Variants in MGMT observed in about 807,000 individuals in gnomAD.
MGMT encodes methylated-DNA--protein-cysteine methyltransferase.
Under a neutral mutation model 15.9 loss-of-function variants are expected in MGMT, and 14 were observed. That is an observed-to-expected ratio of 0.88 (90% CI 0.58 to 1.37). MGMT has a LOEUF of 1.37. MGMT is among the 40% of genes most tolerant of loss of function. The pLI is 0.00. For synonymous variants in MGMT, 130 were observed against 118.2 expected (o/e 1.10, Z -0.65); for missense variants, 282 against 268.1 (o/e 1.05, Z -0.36).
At chr10:129,653,715 CGAA>C (rs1847490464) in intron 2 of MGMT, among the ~76,000 whole-genome samples, 1 of 152,184 alleles carries the variant, frequency 6.6e-6, no homozygotes, top group Non-Finnish European at 1.5e-5. Flanking sequence ...GGCAGGGAGC[CGAA>C]TGGACAGGCC....
chr10:129,498,919 G>A (rs1345711658), intron 1 of MGMT, among the ~76,000 whole-genome samples: 3 of 152,182 alleles, frequency 2.0e-5, no homozygotes, highest in Non-Finnish European at 4.4e-5. Context: ...CCGTGCATCT[G>A]CATTTATTTC....
At chr10:129,612,934 C>T (rs1000256650) in intron 2 of MGMT, among the ~76,000 whole-genome samples, 8 of 152,190 alleles carry the variant, frequency 5.3e-5, no homozygotes, top group East Asian at 1.9e-4. Context: ...GTCACAGCTG[C>T]GGTGACATCC....
intron 2 of MGMT, chr10:129,701,303 T>C (rs183367345): frequency 2.0e-5 from 3 of 152,116 alleles, no homozygotes; most frequent in Middle Eastern, 6.8e-3. Flanking sequence ...GAAAACGTCG[T>C]CCATGGAGAG....
At chr10:129,603,743 CG>C (rs970743069) in intron 2 of MGMT, among the ~76,000 whole-genome samples, 1 of 152,166 alleles carries the variant, frequency 6.6e-6, no homozygotes, top group Admixed American at 6.5e-5. Context: ...GGCAGCTTGT[CG>C]GGCACAAAAA....
intron 3 of MGMT, among the ~76,000 whole-genome samples, chr10:129,721,230 T>G (rs1848367318): frequency 6.6e-6 from 1 of 152,292 alleles, no homozygotes; most frequent in Non-Finnish European, 1.5e-5. Flanking sequence ...CTGAAGTTTT[T>G]GCCTTTAAAA....
intron 2 of MGMT, among the ~76,000 whole-genome samples, chr10:129,680,266 A>G (rs1847835158): frequency 6.6e-6 from 1 of 152,154 alleles, no homozygotes; most frequent in African/African-American, 2.4e-5. Context: ...AGCTAGTTAA[A>G]ATCTCCTGGC....
At chr10:129,572,935 T>C (rs1846437147) in intron 2 of MGMT, among the ~76,000 whole-genome samples, 1 of 152,136 alleles carries the variant, frequency 6.6e-6, no homozygotes, top group Non-Finnish European at 1.5e-5. Flanking sequence ...TTTTTTGGAG[T>C]GATTTGAAGC....
At chr10:129,587,876 T>A (rs1422071631) in intron 2 of MGMT, among the ~76,000 whole-genome samples, 1 of 152,226 alleles carries the variant, frequency 6.6e-6, no homozygotes, top group Non-Finnish European at 1.5e-5. Flanking sequence ...GTATTTTTAT[T>A]CTTTTATGCT....
In MGMT at chr10:129,536,311, A is replaced by G. The variant is rs1845983466; in HGVS notation, c.59A>G (p.Glu20Gly). 1.2e-6 allele frequency: 2 copies of G among 1,614,128 alleles called. No individual in the cohort carries two copies. Among genetic ancestry groups the G allele is most frequent in the Non-Finnish European group, 8.5e-7 (1 of 1,180,036 alleles). The change falls in exon 2 of 5, where the codon GAG (glutamate) becomes GGG (glycine). Residue 20 changes from glutamate (E) to glycine (G), a missense_variant. Transcript: ENST00000651593. ...CTGGACAGCCCTTTGGGGAAGCTGG[A>G]GCTGTCTGGTTGTGAGCAGGGTCTG... ...TTLDSPLGKL[E>G]LSGCEQGLHE...
At chr10:129,467,979 T>G (rs972827389) in intron 1 of MGMT, among the ~76,000 whole-genome samples, 1 of 152,214 alleles carries the variant, frequency 6.6e-6, no homozygotes, top group African/African-American at 2.4e-5. Flanking sequence ...AGTAGCTGGC[T>G]TTCTGTCCTG....
chr10:129,739,594 C>T (rs774990599), intron 3 of MGMT, among the ~76,000 whole-genome samples: 19 of 152,024 alleles, frequency 1.2e-4, no homozygotes, highest in Non-Finnish European at 2.2e-4. Context: ...AGAGCCCCTA[C>T]GCCCTGGTCA....
intron 1 of MGMT, among the ~76,000 whole-genome samples, chr10:129,471,087 A>G (rs1845225562): frequency 1.3e-5 from 2 of 152,234 alleles, no homozygotes; most frequent in African/African-American, 2.4e-5. Flanking sequence ...CCGAATGGAT[A>G]GTCCACCAGC....
At chr10:129,677,966 C>T (rs1011130686) in intron 2 of MGMT, among the ~76,000 whole-genome samples, 6 of 152,194 alleles carry the variant, frequency 3.9e-5, no homozygotes, top group East Asian at 3.9e-4. Flanking sequence ...ACTGGAATTA[C>T]ACCAGCCAGC....
rs1263705033 is a variant in MGMT, at chr10:129,624,417, G to A, written c.126-83478G>A. 2.0e-5 allele frequency among the ~76,000 whole-genome samples: 3 copies of A among 152,166 alleles called. No individual in the cohort carries two copies. In the East Asian group the frequency reaches 5.8e-4, roughly 29 times the overall value. ...TGGAGGACAGAGACATTGGCCTACA[G>A]TAAAATAAAGTCAGATGAGAAAGGG... On this transcript the variant is annotated intron_variant, in intron 2 of 4. Transcript: ENST00000651593.
At chr10:129,467,975 T>C (rs1331788652) in intron 1 of MGMT, among the ~76,000 whole-genome samples, 1 of 152,224 alleles carries the variant, frequency 6.6e-6, no homozygotes, top group Non-Finnish European at 1.5e-5. Context: ...GCTGAGTAGC[T>C]GGCTTTCTGT....
chr10:129,577,222 T>C (rs113072136), intron 2 of MGMT, among the ~76,000 whole-genome samples: 1 of 152,086 alleles, frequency 6.6e-6, no homozygotes, highest in Non-Finnish European at 1.5e-5. Context: ...GAGCCCACAT[T>C]GCCAAGTCAA....
At chr10:129,512,686 AGTT>A (rs148529973) in intron 1 of MGMT, among the ~76,000 whole-genome samples, 2 of 152,348 alleles carry the variant, frequency 1.3e-5, no homozygotes, top group East Asian at 3.9e-4. Context: ...TGCGTGAAGC[AGTT>A]GTTGAATTGT....
chr10:129,571,830 C>G (rs1846423229), intron 2 of MGMT, among the ~76,000 whole-genome samples: 1 of 152,172 alleles, frequency 6.6e-6, no homozygotes, highest in South Asian at 2.1e-4. Flanking sequence ...CTATGAATAT[C>G]TGATATAAAT....
intron 3 of MGMT, among the ~76,000 whole-genome samples, chr10:129,717,341 C>G (rs1280232637): frequency 6.6e-6 from 1 of 152,226 alleles, no homozygotes; most frequent in Non-Finnish European, 1.5e-5. Flanking sequence ...TTCTCCCAGT[C>G]TCTCGTTAAA....
Sources: gnomAD v4.1 joint callset for allele counts (sites outside exome capture counted in the v4.1 genomes callset) on GRCh38, gnomAD v4.1.1 for gene constraint, MANE v1.5 for transcripts, NCBI Gene and HGNC (gene_info 2026-07-23, HGNC 2026-07-21) for gene names.